Variants in GLS observed in about 807,000 individuals in gnomAD.
GLS encodes glutaminase.
Under a neutral mutation model 86.7 loss-of-function variants are expected in GLS, and 36 were observed. The ratio of observed to expected loss-of-function variants is 0.42; its 90% CI spans 0.32 to 0.55. The LOEUF (loss-of-function observed/expected upper bound fraction) is 0.55, where lower values mean the gene tolerates loss of function less well. Among genes scored for constraint, GLS ranks in the 20% least tolerant of loss-of-function variants. GLS has a pLI of 0.17. For missense variants in GLS, 528 were observed against 833.4 expected (o/e 0.63, Z 4.51); for synonymous variants, 317 against 305.9 (o/e 1.04, Z -0.38).
intron 12 of GLS, chr2:190,927,689 G>A (rs1314148091): frequency 4.4e-6 from 2 of 455,226 alleles, no homozygotes; most frequent in Non-Finnish European, 7.8e-6. Flanking sequence ...TTGATTTATA[G>A]AACCTCATCC....
intron 17 of GLS, among the ~76,000 whole-genome samples, chr2:190,960,948 T>G (rs1319214559): frequency 2.6e-5 from 4 of 152,194 alleles, no homozygotes; most frequent in Non-Finnish European, 4.4e-5. Flanking sequence ...AAGCAAAAAA[T>G]TGAAGAGCAT....
chr2:190,954,851 G>A lies in GLS; in HGVS notation c.1853+33G>A. 7.3e-7 allele frequency: 1 copy of A among 1,368,388 alleles called. No individual in the cohort carries two copies. The highest frequency in any genetic ancestry group is 1.3e-5 in the South Asian group (1 of 79,742). 84.8% of individuals were successfully genotyped at this position (1,368,388 alleles called of 1,614,324 possible). A position where few individuals can be genotyped will look rare whatever the true frequency, so the allele number is the denominator to read the frequency against. The stretch of plus-strand genomic sequence containing the variant: ...CTTATGTTACCTTCTAAATATGTCA[G>A]TATTTTATTATGCAGGACTGTAATA... On this transcript the variant is annotated intron_variant, in intron 17 of 17. Coordinates refer to ENST00000320717, the MANE Select transcript of GLS (RefSeq NM_014905.5). The surrounding 1 kb of genome is among the most constrained non-coding windows in gnomAD (Gnocchi z 4.0).
intron 3 of GLS, chr2:190,896,169 G>GCTCCT (rs1559318715): frequency 1.3e-5 from 2 of 152,502 alleles, no homozygotes; most frequent in Non-Finnish European, 2.9e-5. Context: ...TGCATTGTCT[G>GCTCCT]CTCCTCTCCT....
Position 190,920,794 on chromosome 2 carries a change from A to G in GLS, c.1039-230A>G, listed in dbSNP as rs1689705213. Among the ~76,000 whole-genome samples, 1 of 151,766 alleles carries G rather than the reference A, an allele frequency of 6.6e-6. No individual in the cohort carries two copies. Among genetic ancestry groups the G allele is most frequent in the Non-Finnish European group, 1.5e-5 (1 of 67,730 alleles). On this transcript the variant is annotated intron_variant, in intron 7 of 17. Transcript: ENST00000320717. This position sits in a 1 kb window ranked among gnomAD's most constrained non-coding sequence, Gnocchi z 4.2. ...GTAACTTTGGGTTGGGTAAAGATAT[A>G]CTTAAAATAAAGCATTCCCTTTGTA...
At position 190,965,303 on chromosome 2, in the gene GLS, G is replaced by GACTGC. The variant is rs1206728194; in HGVS notation, c.*2318_*2319insCTGCA. 1.7e-4 allele frequency: 26 copies of GACTGC among 152,602 alleles called. No individual in the cohort carries two copies. Among genetic ancestry groups the GACTGC allele is most frequent in the Admixed American group, 1.7e-3 (26 of 15,274 alleles). 9.5% of individuals were successfully genotyped at this position (152,602 alleles called of 1,614,324 possible). A position where few individuals can be genotyped will look rare whatever the true frequency, so the allele number is the denominator to read the frequency against. On this transcript the variant is annotated 3_prime_UTR_variant, in exon 18 of 18. Coordinates refer to ENST00000320717, the MANE Select transcript of GLS (RefSeq NM_014905.5). The surrounding 1 kb of genome is among the most constrained non-coding windows in gnomAD (Gnocchi z 5.0). ...TGCCCGACACTGCCCTTTAGCTGCA[G>GACTGC]AGCTGGATTAGCTGTTGACCATTTG...
At chr2:190,896,302 T>C (rs1313385959) in intron 3 of GLS, 1 of 152,240 alleles carries the variant, frequency 6.6e-6, no homozygotes, top group African/African-American at 2.4e-5. Context: ...TTTACTTTGA[T>C]GTTCCTGTAT....
rs990628527 is a variant in GLS at position 190,920,302 on chromosome 2, C to G, written c.1039-722C>G. ...CTGATCTACATTACATAGATTTTTC[C>G]TATTGACATTTGCAGTAGATAACAT... On this transcript the variant is annotated intron_variant, in intron 7 of 17. Coordinates refer to ENST00000320717, the MANE Select transcript of GLS (RefSeq NM_014905.5). This position sits in a 1 kb window ranked among gnomAD's most constrained non-coding sequence, Gnocchi z 4.2. The G allele has an allele frequency of 5.3e-5, 8 of 151,828 alleles. No individual in the cohort carries two copies. The highest frequency in any genetic ancestry group is 1.9e-4 in the African/African-American group (8 of 41,418). The allele number at this position is 151,828 out of a possible 1,614,324, so 9.4% of individuals were successfully genotyped here. A position where few individuals can be genotyped will look rare whatever the true frequency, so the allele number is the denominator to read the frequency against.
chr2:190,896,334 C>T (rs1318055704), intron 3 of GLS: 1 of 152,078 alleles, frequency 6.6e-6, no homozygotes, highest in Non-Finnish European at 1.5e-5. Context: ...TATTATTTAT[C>T]TTCATTAATG....
rs1691024931 is a variant in GLS at position 190,962,429 on chromosome 2, G to A, written c.1854-401G>A. Among the ~76,000 whole-genome samples the A allele has an allele frequency of 6.6e-6, 1 of 152,218 alleles. No homozygotes were observed. The highest frequency in any genetic ancestry group is 6.5e-5 in the Admixed American group (1 of 15,286). ...CACTAATTTTCTGTCAAAGGCTAGA[G>A]TGATGGATGTTATATGCCTGAATTT... On this transcript the variant is annotated intron_variant, in intron 17 of 17. Transcript: ENST00000320717. This position sits in a 1 kb window ranked among gnomAD's most constrained non-coding sequence, Gnocchi z 4.2.
intron 17 of GLS, among the ~76,000 whole-genome samples, chr2:190,959,323 C>T (rs1025707803): frequency 5.9e-5 from 9 of 151,298 alleles, no homozygotes; most frequent in Non-Finnish European, 1.0e-4. Context: ...TGTCTTTGCA[C>T]GTGAGATGGA....
intron 14 of GLS, among the ~76,000 whole-genome samples, chr2:190,944,453 T>C (rs553035498): frequency 6.6e-6 from 1 of 152,340 alleles, no homozygotes; most frequent in African/African-American, 2.4e-5. Context: ...TGAGAAACTT[T>C]GATAGTTGTC....
At chr2:190,882,557 G>A (rs1034282243) in intron 1 of GLS, among the ~76,000 whole-genome samples, 3 of 152,130 alleles carry the variant, frequency 2.0e-5, no homozygotes, top group Non-Finnish European at 4.4e-5. Flanking sequence ...CAGCTCTAGA[G>A]TTCCTTAAGT....
intron 1 of GLS, among the ~76,000 whole-genome samples, chr2:190,885,240 G>A (rs1688334821): frequency 6.6e-6 from 1 of 151,798 alleles, no homozygotes; most frequent in Admixed American, 6.6e-5. Flanking sequence ...CACACAGGCT[G>A]GAGTGCAGTG....
chr2:190,902,941 T>C (rs1688997793), intron 5 of GLS, among the ~76,000 whole-genome samples: 1 of 152,172 alleles, frequency 6.6e-6, no homozygotes, highest in African/African-American at 2.4e-5. Flanking sequence ...TATATCAGAG[T>C]TGTAATTTTA....
chr2:190,894,146 T>C (rs367808545), intron 1 of GLS, among the ~76,000 whole-genome samples: 3 of 152,298 alleles, frequency 2.0e-5, no homozygotes, highest in African/African-American at 7.2e-5. Context: ...ATGTATACAG[T>C]CTTGCCTTGT....
chr2:190,892,622 G>T (rs564088369), intron 1 of GLS, among the ~76,000 whole-genome samples: 2 of 152,134 alleles, frequency 1.3e-5, no homozygotes, highest in Non-Finnish European at 1.5e-5. Flanking sequence ...GAAAAGGGGG[G>T]TTAAGGCATG....
intron 17 of GLS, among the ~76,000 whole-genome samples, chr2:190,958,348 A>G (rs1277003088): frequency 2.0e-5 from 3 of 151,926 alleles, no homozygotes; most frequent in Non-Finnish European, 4.4e-5. Context: ...CTAGTGGTCT[A>G]TTTTGTTGAT....
rs191296553 is a variant in GLS, at chr2:190,933,626, C to T, written c.1650+1989C>T. 55 of 950,762 alleles carry T rather than the reference C, an allele frequency of 5.8e-5. No individual in the cohort carries two copies. The African/African-American group carries it at 8.5e-4, about 15-fold the overall frequency. The allele number at this position is 950,762 out of a possible 1,614,324, so 58.9% of individuals were successfully genotyped here. A position where few individuals can be genotyped will look rare whatever the true frequency, so the allele number is the denominator to read the frequency against. Reference sequence around the variant, plus strand: ...TAAAAAGCTATAATGGTTAGTTACTCAGAAGGAGAAACAGTGAGTGTCTTC... The same window carrying T: ...TAAAAAGCTATAATGGTTAGTTACTTAGAAGGAGAAACAGTGAGTGTCTTC... On this transcript the variant is annotated intron_variant, in intron 14 of 17. Transcript: ENST00000320717.
chr2:190,916,247 GA>G (rs1689528113), intron 7 of GLS, among the ~76,000 whole-genome samples: 1 of 152,028 alleles, frequency 6.6e-6, no homozygotes, highest in South Asian at 2.1e-4. Flanking sequence ...TTTTTATTGT[GA>G]AAAAATTCAA....
Sources: allele counts gnomAD v4.1 joint callset (sites outside exome capture counted in the v4.1 genomes callset), GRCh38; gene constraint gnomAD v4.1.1; non-coding constraint Gnocchi (gnomAD v3.1); transcripts MANE v1.5; gene names NCBI Gene and HGNC (gene_info 2026-07-23, HGNC 2026-07-21).